Variants in GMCL1 observed in about 807,000 individuals in gnomAD.
GMCL1 encodes germ cell-less 1, spermatogenesis associated, also known as germ cell-less protein-like 1.
Under a neutral mutation model 75.5 loss-of-function variants are expected in GMCL1, and 54 were observed. The observed-to-expected ratio is 0.71, with a 90% CI of 0.57 to 0.90. The LOEUF is 0.90. Ranked by LOEUF, GMCL1 falls within the 40% of genes least tolerant of loss-of-function variation. GMCL1 has a pLI of 0.00. For synonymous variants in GMCL1, 210 were observed against 209.6 expected, an observed-to-expected ratio of 1.00 and a Z score of -0.02; for missense variants, 537 against 622.7, an observed-to-expected ratio of 0.86 and a Z score of 1.47.
chr2:69,847,455 A>G, intron 6 of GMCL1, 88 bp from the exon 7 acceptor site: 1 of 826,316 alleles, frequency 1.2e-6, no homozygotes, highest in South Asian at 1.5e-5. Flanking sequence ...ATATTTTTTT[A>G]CAAGAAAGAC....
Position 69,879,109 on chromosome 2 carries a change from G to A in GMCL1, c.*105G>A. 2.9e-6 allele frequency: 2 copies of A among 680,244 alleles called. No individual in the cohort carries two copies. The highest frequency in any genetic ancestry group is 5.3e-6 in the Non-Finnish European group (2 of 379,202). 42.1% of individuals were successfully genotyped at this position (680,244 alleles called of 1,614,324 possible). On this transcript the variant is annotated 3_prime_UTR_variant, in exon 14 of 14. Transcript: ENST00000282570. ...CCAGCTTTAATTTAATGGCCCTACT[G>A]ATATTCACATCGAAGGTGACTAACA...
chr2:69,853,265 C>G (rs6711065), intron 8 of GMCL1, among the ~76,000 whole-genome samples: 6 of 152,042 alleles, frequency 3.9e-5, no homozygotes. Flanking sequence ...TATTTTTAAA[C>G]TCAAGAGATA....
In GMCL1 at chr2:69,839,589, G is replaced by A. The variant is rs201011017; in HGVS notation, c.481+36G>A. 2.5e-5 allele frequency: 30 copies of A among 1,224,134 alleles called. 1 individual carries two copies. Among genetic ancestry groups the A allele is most frequent in the South Asian group, 8.7e-5 (7 of 80,148 alleles). The allele number at this position is 1,224,134 out of a possible 1,614,324, so 75.8% of individuals were successfully genotyped here. On this transcript the variant is annotated intron_variant, in intron 3 of 13. Transcript: ENST00000282570. ...CAATAATTACTATTATGCAACAATC[G>A]TAAAAACATAATCTTATTCTTCTGG...
intron 10 of GMCL1, among the ~76,000 whole-genome samples, chr2:69,862,760 A>G (rs112114804): frequency 1.4e-5 from 2 of 145,692 alleles, no homozygotes; most frequent in Non-Finnish European, 3.0e-5. Flanking sequence ...ACTCCATCCC[A>G]AAAAAAAAAA....
chr2:69,870,692 A>T (rs187568406), intron 12 of GMCL1, among the ~76,000 whole-genome samples: 1 of 152,350 alleles, frequency 6.6e-6, no homozygotes, highest in East Asian at 1.9e-4. Context: ...CAGCTCAAAA[A>T]TGGGCCAAAG....
At chr2:69,855,776 G>T (rs186864359) in intron 9 of GMCL1, among the ~76,000 whole-genome samples, 1 of 152,214 alleles carries the variant, frequency 6.6e-6, no homozygotes, top group East Asian at 1.9e-4. Flanking sequence ...ATTTTACATT[G>T]CTTATAGTAT....
chr2:69,864,265 G>C (rs905319714), intron 10 of GMCL1, among the ~76,000 whole-genome samples: 1 of 151,776 alleles, frequency 6.6e-6, no homozygotes, highest in Non-Finnish European at 1.5e-5. Flanking sequence ...GGCATTTCAT[G>C]TTGTGAATGA....
intron 10 of GMCL1, among the ~76,000 whole-genome samples, chr2:69,862,460 T>A (rs796289897): frequency 3.9e-5 from 6 of 152,052 alleles, no homozygotes; most frequent in African/African-American, 1.5e-4. Context: ...CCAGCATAAA[T>A]AATAGTAAGA....
intron 9 of GMCL1, among the ~76,000 whole-genome samples, chr2:69,856,512 T>C (rs1194838938): frequency 1.3e-5 from 2 of 152,154 alleles, no homozygotes; most frequent in Non-Finnish European, 2.9e-5. Context: ...ATTAACTGTC[T>C]TATTCCATAC....
At chr2:69,866,008 T>C (rs1036778750) in intron 11 of GMCL1, among the ~76,000 whole-genome samples, 1 of 152,182 alleles carries the variant, frequency 6.6e-6, no homozygotes, top group Non-Finnish European at 1.5e-5. Flanking sequence ...TCCAGCACTT[T>C]GGGAGACTGA....
chr2:69,853,580 A>G (rs1675380698), intron 8 of GMCL1, among the ~76,000 whole-genome samples: 1 of 152,174 alleles, frequency 6.6e-6, no homozygotes, highest in African/African-American at 2.4e-5. Flanking sequence ...TATCCTTAAT[A>G]GCAACAGGAC....
chr2:69,877,920 T>C (rs1204680394), intron 13 of GMCL1, among the ~76,000 whole-genome samples: 1 of 152,208 alleles, frequency 6.6e-6, no homozygotes, highest in African/African-American at 2.4e-5. Context: ...TAGTATCTTA[T>C]CCAAAATAAA....
chr2:69,873,961 T>TC (rs1553374307), intron 13 of GMCL1: 3 of 160,694 alleles, frequency 1.9e-5, no homozygotes, highest in East Asian at 3.9e-4. Context: ...TTTTTTTTTT[T>TC]CACTTTGTTG....
At position 69,848,354 on chromosome 2, in the gene GMCL1, A is replaced by G. The variant is rs75735780; in HGVS notation, c.843+727A>G. The stretch of plus-strand genomic sequence containing the variant: ...TGTTTGTTTCTATGGTAGAGGTGAA[A>G]TTTTGTTACTGTTTTTCTTCAAGGA... On this transcript the variant is annotated intron_variant, in intron 7 of 13. Coordinates refer to ENST00000282570, the MANE Select transcript of GMCL1 (RefSeq NM_178439.5). Among the ~76,000 whole-genome samples, 655 of 152,246 alleles carry G rather than the reference A, an allele frequency of 4.3e-3. 4 individuals carry two copies. Among genetic ancestry groups the G allele is most frequent in the African/African-American group, 0.015 (630 of 41,542 alleles).
intron 13 of GMCL1, among the ~76,000 whole-genome samples, chr2:69,878,250 A>G (rs752950476): frequency 4.6e-5 from 7 of 152,166 alleles, no homozygotes; most frequent in African/African-American, 7.2e-5. Context: ...ACAGTGGGAA[A>G]TGTCAATAGT....
intron 1 of GMCL1, among the ~76,000 whole-genome samples, chr2:69,831,531 T>C (rs1020582194): frequency 6.6e-6 from 1 of 152,168 alleles, no homozygotes; most frequent in African/African-American, 2.4e-5. Context: ...GGGCTGAGAT[T>C]ACAGGTGTGA....
At chr2:69,855,077 A>C (rs1234333753) in intron 9 of GMCL1, 117 bp downstream of exon 9, 1 of 770,764 alleles carries the variant, frequency 1.3e-6, no homozygotes, top group Admixed American at 3.1e-5. Flanking sequence ...AAAGGTATAC[A>C]TCTTTATGCC....
chr2:69,836,186 C>T (rs1403491369), intron 1 of GMCL1, among the ~76,000 whole-genome samples: 5 of 152,182 alleles, frequency 3.3e-5, no homozygotes, highest in Non-Finnish European at 5.9e-5. Flanking sequence ...TAGCCTCCAT[C>T]CTAGTCCTCC....
chr2:69,858,280 G>A (rs905450555), intron 9 of GMCL1, among the ~76,000 whole-genome samples: 3 of 152,186 alleles, frequency 2.0e-5, no homozygotes, highest in Non-Finnish European at 4.4e-5. Context: ...CTCCCAAAAT[G>A]CTGGAATTAC....
Sources: allele counts gnomAD v4.1 joint callset (sites outside exome capture counted in the v4.1 genomes callset), GRCh38; gene constraint gnomAD v4.1.1; transcripts MANE v1.5; gene names NCBI Gene and HGNC (gene_info 2026-07-23, HGNC 2026-07-21).